VRTN: variants seen among roughly 807,000 people sequenced by gnomAD.
VRTN encodes the protein vertnin.
In VRTN, 5 loss-of-function variants were observed where a neutral mutation model predicts 18.2. That is an observed-to-expected ratio of 0.27 (90% CI 0.14 to 0.58). The LOEUF (loss-of-function observed/expected upper bound fraction) is 0.58. VRTN is among the 20% of genes least tolerant of loss of function. VRTN has a pLI of 0.91. For synonymous variants in VRTN, 381 were observed against 393.7 expected, an observed-to-expected ratio of 0.97 and a Z score of 0.38; for missense variants, 741 against 939.4, an observed-to-expected ratio of 0.79 and a Z score of 2.76.
rs372725424 is a variant in VRTN at position 74,326,074 on chromosome 14, A to G, written c.-163-11649A>G. Among the ~76,000 whole-genome samples the G allele has an allele frequency of 1.1e-4, 17 of 152,292 alleles. 3 individuals carry two copies. The highest frequency in any genetic ancestry group is 1.0e-3 in the Admixed American group (16 of 15,282). ...TTAGTAACTTGCCTGGAGTTTACCC[A>G]GCTGGGAAGGGCAAGCAGGGTTCGG... On this transcript the variant is annotated intron_variant, in intron 1 of 2. Coordinates refer to the VRTN transcript ENST00000557177.
intron 1 of VRTN, among the ~76,000 whole-genome samples, chr14:74,321,339 A>G (rs2085454638): frequency 6.6e-6 from 1 of 152,152 alleles, no homozygotes; most frequent in Non-Finnish European, 1.5e-5. Context: ...CACCCAACCA[A>G]TGAGGAAGAG....
chr14:74,309,487 C>T (rs141879218), intron 1 of VRTN, among the ~76,000 whole-genome samples: 189 of 152,278 alleles, frequency 1.2e-3, no homozygotes, highest in Non-Finnish European at 2.1e-3. Flanking sequence ...CCACTTAAAG[C>T]TCTTAAGTGA....
At chr14:74,306,135 T>C (rs2085346969) in intron 1 of VRTN, 1 of 126,220 alleles carries the variant, frequency 7.9e-6, no homozygotes, top group African/African-American at 3.1e-5. Context: ...TATATATATG[T>C]AAAAATATAC....
At chr14:74,319,324 C>T (rs973926661) in intron 1 of VRTN, among the ~76,000 whole-genome samples, 2 of 152,314 alleles carry the variant, frequency 1.3e-5, no homozygotes, top group African/African-American at 2.4e-5. Context: ...ATGAGCCCGG[C>T]CCGCGCCTGG....
chr14:74,343,881 C>T (rs750384830), upstream of VRTN, among the ~76,000 whole-genome samples: 17 of 151,716 alleles, frequency 1.1e-4, no homozygotes, highest in African/African-American at 2.7e-4. Context: ...CTGCAACCTC[C>T]GCCTCCCGGG....
intron 1 of VRTN, among the ~76,000 whole-genome samples, chr14:74,328,055 C>T (rs561291552): frequency 7.9e-5 from 12 of 152,090 alleles, no homozygotes; most frequent in East Asian, 1.9e-4. Context: ...GAGATCGGGG[C>T]GAAGGAAAGG....
chr14:74,346,257 C>T (rs1443486957), upstream of VRTN, among the ~76,000 whole-genome samples: 1 of 151,880 alleles, frequency 6.6e-6, no homozygotes, highest in Non-Finnish European at 1.5e-5. Flanking sequence ...AGCTATGATC[C>T]CACCATCTCA....
At position 74,359,100 on chromosome 14, in the gene VRTN, G is replaced by A. The variant is rs2085761507; in HGVS notation, c.*208G>A. The A allele has an allele frequency of 1.1e-6, 1 of 946,504 alleles. No individual in the cohort carries two copies. The highest frequency in any genetic ancestry group is 2.9e-5 in the East Asian group (1 of 34,528). 58.6% of individuals were successfully genotyped at this position (946,504 alleles called of 1,614,324 possible). A position where few individuals can be genotyped will look rare whatever the true frequency, so the allele number is the denominator to read the frequency against. Reference sequence around the variant, plus strand: ...TCTGGTCTCCCGTAGGAAACTGTGGGACCAGAGATATCCTCTTTCGTTGTT... The same window carrying A: ...TCTGGTCTCCCGTAGGAAACTGTGGAACCAGAGATATCCTCTTTCGTTGTT... On this transcript the variant is annotated 3_prime_UTR_variant, in exon 2 of 2. Coordinates refer to ENST00000256362, the MANE Select transcript of VRTN (RefSeq NM_018228.3).
intron 1 of VRTN, among the ~76,000 whole-genome samples, chr14:74,352,109 C>G (rs1196352801): frequency 6.6e-6 from 1 of 152,192 alleles, no homozygotes; most frequent in South Asian, 2.1e-4. Flanking sequence ...CTCGTCCTCC[C>G]AAAGTGCTGG....
At chr14:74,344,153 A>G (rs1357406434), upstream of VRTN, among the ~76,000 whole-genome samples, 3 of 147,822 alleles carry the variant, frequency 2.0e-5, no homozygotes, top group Non-Finnish European at 3.0e-5. Flanking sequence ...TAATGCCTAT[A>G]ATCCTAGCAT....
At chr14:74,323,030 G>C (rs564483013) in intron 1 of VRTN, among the ~76,000 whole-genome samples, 1 of 152,248 alleles carries the variant, frequency 6.6e-6, no homozygotes, top group South Asian at 2.1e-4. Flanking sequence ...CTACTCGGGA[G>C]GCTGAGGCAG....
intron 1 of VRTN, among the ~76,000 whole-genome samples, chr14:74,308,958 G>T (rs2140191006): frequency 6.6e-6 from 1 of 151,966 alleles, no homozygotes; most frequent in South Asian, 2.1e-4. Context: ...TGCCTCCCAG[G>T]TTAAAGTGAT....
chr14:74,359,166 T>G lies in VRTN; in HGVS notation c.*274T>G, dbSNP rs2085762152. ...TACTGTTATGATTTAGTTTTTGGTT[T>G]TGATTTGAGTGGGTTGGTTGGCCCC... is the stretch of plus-strand genomic sequence containing the variant. On this transcript the variant is annotated 3_prime_UTR_variant, in exon 2 of 2. Coordinates refer to ENST00000256362, the MANE Select transcript of VRTN (RefSeq NM_018228.3). The G allele has an allele frequency of 2.0e-6, 1 of 510,200 alleles. No homozygotes were observed. 31.6% of individuals were successfully genotyped at this position (510,200 alleles called of 1,614,324 possible).
rs1567036584 is a variant in VRTN, at chr14:74,306,155, TATA to T, written c.-164+2980_-164+2982del. On this transcript the variant is annotated intron_variant, in intron 1 of 2. Transcript: ENST00000557177. The stretch of plus-strand genomic sequence containing the variant: ...ATATGTAAAAATATACATATATATA[TATA>T]TATATATATATATATTTTTTTTTTT... 4.1e-5 allele frequency: 3 copies of T among 73,540 alleles called. No homozygotes were observed. In the East Asian group the frequency reaches 2.0e-3, roughly 49 times the overall value. The allele number at this position is 73,540 out of a possible 1,614,324, so 4.6% of individuals were successfully genotyped here. A position where few individuals can be genotyped will look rare whatever the true frequency, so the allele number is the denominator to read the frequency against.
upstream of VRTN, among the ~76,000 whole-genome samples, chr14:74,345,667 T>TA (rs1182130426): frequency 6.6e-6 from 1 of 152,114 alleles, no homozygotes; most frequent in Admixed American, 6.5e-5. Flanking sequence ...CTCACATCTG[T>TA]AATCCCAGCA....
chr14:74,332,467 G>T (rs1214467838), intron 1 of VRTN, among the ~76,000 whole-genome samples: 1 of 145,742 alleles, frequency 6.9e-6, no homozygotes, highest in African/African-American at 2.5e-5. Flanking sequence ...CGATTCTCCT[G>T]CCTCAGCCTC....
chr14:74,304,589 G>A (rs149856746), intron 1 of VRTN, among the ~76,000 whole-genome samples: 20 of 152,262 alleles, frequency 1.3e-4, no homozygotes, highest in African/African-American at 4.8e-4. Flanking sequence ...ATGTTTAGCT[G>A]TATCCCAGGC....
At chr14:74,355,894 C>T (rs561896776) in intron 1 of VRTN, among the ~76,000 whole-genome samples, 3 of 151,090 alleles carry the variant, frequency 2.0e-5, no homozygotes, top group Non-Finnish European at 2.9e-5. Context: ...TGCAGTGGTG[C>T]GAGCATTGCT....
chr14:74,324,919 A>T (rs2085479423), intron 1 of VRTN, among the ~76,000 whole-genome samples: 1 of 152,160 alleles, frequency 6.6e-6, no homozygotes, highest in African/African-American at 2.4e-5. Context: ...TAAATAAATA[A>T]ATAAATACAT....
Sources: allele counts gnomAD v4.1 joint callset (sites outside exome capture counted in the v4.1 genomes callset), GRCh38; gene constraint gnomAD v4.1.1; transcripts MANE v1.5; gene names NCBI Gene and HGNC (gene_info 2026-07-23, HGNC 2026-07-21).